Variants in CSMD1 observed in about 807,000 individuals in gnomAD.
CSMD1 encodes the protein CUB and Sushi multiple domains 1.
In CSMD1, 213 loss-of-function variants were observed where a neutral mutation model predicts 417.5. The ratio of observed to expected loss-of-function variants is 0.51; its 90% CI spans 0.46 to 0.57. The LOEUF (loss-of-function observed/expected upper bound fraction) is 0.57. Ranked by LOEUF, CSMD1 falls within the 20% of genes least tolerant of loss-of-function variation. The pLI is 0.00. For missense variants in CSMD1, 6,923 were observed against 4,529.7 expected, an observed-to-expected ratio of 1.53 and a Z score of -15.17; for synonymous variants, 2,862 against 1,736.8, an observed-to-expected ratio of 1.65 and a Z score of -16.11.
At chr8:3,834,535 C>T (rs999687186) in intron 5 of CSMD1, among the ~76,000 whole-genome samples, 4 of 152,158 alleles carry the variant, frequency 2.6e-5, no homozygotes, top group African/African-American at 4.8e-5. Context: ...CACTGTGCGT[C>T]TCTTCCAAAA....
intron 7 of CSMD1, among the ~76,000 whole-genome samples, chr8:3,674,368 G>C (rs17397907): frequency 0.14 from 21,325 of 151,882 alleles, 1,667 homozygotes; most frequent in South Asian, 0.21. Flanking sequence ...TTATCATCAC[G>C]AGCTAAGTAG....
chr8:4,033,374 G>A (rs998771654), intron 3 of CSMD1, among the ~76,000 whole-genome samples: 20 of 152,128 alleles, frequency 1.3e-4, no homozygotes, highest in South Asian at 6.2e-4. Context: ...CCCGGGAGGC[G>A]GAGCTTGCGG....
intron 1 of CSMD1, among the ~76,000 whole-genome samples, chr8:4,691,381 C>T (rs1177279209): frequency 1.3e-5 from 2 of 152,170 alleles, no homozygotes; most frequent in African/African-American, 4.8e-5. Flanking sequence ...AGATAGACAC[C>T]TATTACTAAA....
chr8:3,411,746 A>G (rs538518796), intron 12 of CSMD1, among the ~76,000 whole-genome samples: 2 of 134,180 alleles, frequency 1.5e-5, no homozygotes, highest in African/African-American at 2.8e-5. Context: ...GTGTATATAT[A>G]CACGTGTATA....
At chr8:4,435,618 T>C (rs891900591) in intron 2 of CSMD1, among the ~76,000 whole-genome samples, 2 of 152,180 alleles carry the variant, frequency 1.3e-5, no homozygotes, top group Non-Finnish European at 2.9e-5. Flanking sequence ...CATGAGTGAA[T>C]GGTGGAAGCT....
intron 1 of CSMD1, among the ~76,000 whole-genome samples, chr8:4,773,338 T>G (rs529526968): frequency 6.6e-6 from 1 of 152,298 alleles, no homozygotes; most frequent in Non-Finnish European, 1.5e-5. Context: ...CTAAGCTCAC[T>G]GACTGGTGGC....
intron 7 of CSMD1, among the ~76,000 whole-genome samples, chr8:3,638,770 G>A (rs377693207): frequency 6.6e-5 from 10 of 152,304 alleles, no homozygotes; most frequent in Non-Finnish European, 1.3e-4. Flanking sequence ...AACATACCAA[G>A]AGAGAAACCA....
At chr8:4,962,957 G>C (rs1488003058) in intron 1 of CSMD1, among the ~76,000 whole-genome samples, 1 of 152,110 alleles carries the variant, frequency 6.6e-6, no homozygotes, top group African/African-American at 2.4e-5. Context: ...ACATGGGTTG[G>C]CGCTGGGAAA....
chr8:3,641,455 T>G (rs1326441685), intron 7 of CSMD1, among the ~76,000 whole-genome samples: 1 of 152,204 alleles, frequency 6.6e-6, no homozygotes, highest in African/African-American at 2.4e-5. Context: ...ACTTTATCAG[T>G]AAGTGGTTTT....
intron 3 of CSMD1, among the ~76,000 whole-genome samples, chr8:4,258,913 A>G (rs1180373569): frequency 2.0e-5 from 3 of 152,184 alleles, no homozygotes; most frequent in Non-Finnish European, 4.4e-5. Flanking sequence ...GCTTTGTTCT[A>G]AGACTATGTT....
chr8:4,115,790 G>C (rs573246401), intron 3 of CSMD1, among the ~76,000 whole-genome samples: 1 of 151,946 alleles, frequency 6.6e-6, no homozygotes, highest in South Asian at 2.1e-4. Context: ...AAAAGTCATG[G>C]TGGAATGTAA....
intron 3 of CSMD1, among the ~76,000 whole-genome samples, chr8:4,326,099 A>T (rs1012712985): frequency 4.6e-5 from 7 of 152,140 alleles, no homozygotes; most frequent in African/African-American, 1.7e-4. Context: ...CGGAGTGGTA[A>T]ATCAGAGCTC....
intron 1 of CSMD1, among the ~76,000 whole-genome samples, chr8:4,730,516 G>A (rs1326372565): frequency 3.9e-5 from 6 of 152,140 alleles, no homozygotes; most frequent in South Asian, 4.1e-4. Flanking sequence ...TGAGGCAGGC[G>A]GATCACGAGG....
chr8:4,182,515 G>A (rs1405811749), intron 3 of CSMD1, among the ~76,000 whole-genome samples: 6 of 152,164 alleles, frequency 3.9e-5, no homozygotes, highest in Non-Finnish European at 8.8e-5. Context: ...AATGTTGGAC[G>A]GGCTATATAT....
At chr8:2,938,792 G>A (rs1359947482) in intron 69 of CSMD1, 48 bp from the exon 70 acceptor site, 1 of 1,524,462 alleles carries the variant, frequency 6.6e-7, no homozygotes, top group East Asian at 2.4e-5. Context: ...TTCATTTGCA[G>A]ATTTAGCAGC....
At chr8:4,896,223 T>C (rs1804470872) in intron 1 of CSMD1, among the ~76,000 whole-genome samples, 1 of 152,130 alleles carries the variant, frequency 6.6e-6, no homozygotes, top group African/African-American at 2.4e-5. Context: ...AGTCTGGTTC[T>C]TTCAACTTTG....
intron 20 of CSMD1, among the ~76,000 whole-genome samples, chr8:3,365,138 G>T (rs565527774): frequency 6.6e-6 from 1 of 152,334 alleles, no homozygotes; most frequent in South Asian, 2.1e-4. Flanking sequence ...TGCAGAGAGA[G>T]AGGGATTTAG....
chr8:4,288,258 C>T (rs759807854), intron 3 of CSMD1, among the ~76,000 whole-genome samples: 9 of 152,274 alleles, frequency 5.9e-5, no homozygotes, highest in South Asian at 4.2e-4. Context: ...GAGTTTCTGA[C>T]ATGCCCCCAC....
chr8:3,616,828 T>G, intron 7 of CSMD1, 31 bp from the exon 8 acceptor site: 1 of 1,468,064 alleles, frequency 6.8e-7, no homozygotes, highest in Non-Finnish European at 9.4e-7. Context: ...GTCAAAATGC[T>G]GTATAGTTAT....
Sources: allele counts gnomAD v4.1 joint callset (sites outside exome capture counted in the v4.1 genomes callset), GRCh38; gene constraint gnomAD v4.1.1; transcripts MANE v1.5; gene names NCBI Gene and HGNC (gene_info 2026-07-23, HGNC 2026-07-21).